RBMS3: variants seen among roughly 807,000 people sequenced by gnomAD.
RBMS3 encodes RNA binding motif single stranded interacting protein 3, also known as RNA-binding motif, single-stranded-interacting protein 3.
A neutral mutation model predicts 66.8 loss-of-function variants in RBMS3; 27 were observed. That is an observed-to-expected ratio of 0.40 (90% CI 0.30 to 0.56). RBMS3 has a LOEUF of 0.56. Among genes scored for constraint, RBMS3 ranks in the 20% least tolerant of loss-of-function variants. The probability of loss-of-function intolerance (pLI) is 0.40; values close to 1 mark genes in which losing one functional copy is unlikely to be tolerated. For synonymous variants in RBMS3, 188 were observed against 183.0 expected (o/e 1.03, Z -0.22); for missense variants, 513 against 549.5 (o/e 0.93, Z 0.66).
chr3:29,656,536 C>T (rs1028410951), intron 4 of RBMS3, among the ~76,000 whole-genome samples: 1 of 152,060 alleles, frequency 6.6e-6, no homozygotes, highest in Admixed American at 6.6e-5. Flanking sequence ...TGTGTTAGAC[C>T]AGATCTCTGT....
At chr3:29,697,622 G>T (rs1037582277) in intron 4 of RBMS3, among the ~76,000 whole-genome samples, 1 of 152,134 alleles carries the variant, frequency 6.6e-6, no homozygotes, top group Non-Finnish European at 1.5e-5. Flanking sequence ...TTGGATTTTT[G>T]AATATTTGCA....
intron 12 of RBMS3, among the ~76,000 whole-genome samples, chr3:29,983,250 TTGCTTTCTA>T (rs1698128099): frequency 6.6e-6 from 1 of 150,870 alleles, no homozygotes; most frequent in Non-Finnish European, 1.5e-5. Flanking sequence ...TTTTTTTTTT[TTGCTTTCTA>T]TTTGCTTGGT....
At chr3:29,425,975 G>A (rs1323780785) in intron 1 of RBMS3, among the ~76,000 whole-genome samples, 1 of 152,174 alleles carries the variant, frequency 6.6e-6, no homozygotes, top group South Asian at 2.1e-4. Flanking sequence ...TATTTCTGGA[G>A]AATGCTCTGA....
At chr3:29,731,942 T>TC (rs1186678412) in intron 4 of RBMS3, among the ~76,000 whole-genome samples, 1 of 151,390 alleles carries the variant, frequency 6.6e-6, no homozygotes, top group Non-Finnish European at 1.5e-5. Flanking sequence ...TTTCCCTCTC[T>TC]CCCCATCTCC....
intron 2 of RBMS3, among the ~76,000 whole-genome samples, chr3:29,487,354 T>C (rs2043360021): frequency 6.6e-6 from 1 of 152,176 alleles, no homozygotes; most frequent in African/African-American, 2.4e-5. Context: ...CAGGTGAGTA[T>C]CTGTACAACT....
At chr3:29,615,495 C>CAT (rs1196405327) in intron 4 of RBMS3, among the ~76,000 whole-genome samples, 1 of 151,848 alleles carries the variant, frequency 6.6e-6, no homozygotes, top group Non-Finnish European at 1.5e-5. Flanking sequence ...CACACACACA[C>CAT]ATAAAATGAT....
chr3:29,566,471 G>C (rs1010156200), intron 3 of RBMS3, among the ~76,000 whole-genome samples: 3 of 152,042 alleles, frequency 2.0e-5, no homozygotes, highest in Admixed American at 6.6e-5. Flanking sequence ...GTCCTGCACT[G>C]TTCTACATGA....
chr3:29,438,733 T>C (rs2041495357), intron 2 of RBMS3, among the ~76,000 whole-genome samples: 1 of 152,212 alleles, frequency 6.6e-6, no homozygotes, highest in Non-Finnish European at 1.5e-5. Flanking sequence ...GGAACTTTAT[T>C]TTGTTCTCAA....
intron 4 of RBMS3, among the ~76,000 whole-genome samples, chr3:29,666,103 C>T (rs1046562464): frequency 6.6e-6 from 1 of 152,152 alleles, no homozygotes; most frequent in African/African-American, 2.4e-5. Context: ...TTTCCTCTGC[C>T]TGGATGGGTA....
At chr3:29,326,284 T>G (rs2035333090) in intron 1 of RBMS3, among the ~76,000 whole-genome samples, 1 of 152,190 alleles carries the variant, frequency 6.6e-6, no homozygotes, top group African/African-American at 2.4e-5. Flanking sequence ...CCCACTGATC[T>G]TTCCATAAAC....
At chr3:29,511,839 G>A (rs1214187389) in intron 3 of RBMS3, among the ~76,000 whole-genome samples, 2 of 152,038 alleles carry the variant, frequency 1.3e-5, no homozygotes, top group African/African-American at 4.8e-5. Flanking sequence ...TGTATCACAA[G>A]ACTAACTGAA....
intron 6 of RBMS3, among the ~76,000 whole-genome samples, chr3:29,785,300 T>C (rs934382827): frequency 6.6e-6 from 1 of 152,072 alleles, no homozygotes; most frequent in Non-Finnish European, 1.5e-5. Flanking sequence ...CAACAGCTTA[T>C]CAAAAAGATA....
intron 12 of RBMS3, among the ~76,000 whole-genome samples, chr3:29,980,850 G>T (rs1361106840): frequency 6.6e-6 from 1 of 152,144 alleles, no homozygotes; most frequent in East Asian, 1.9e-4. Flanking sequence ...AGTATAGTTT[G>T]AAGTCAGGTA....
intron 3 of RBMS3, among the ~76,000 whole-genome samples, chr3:29,540,303 G>C (rs1010990925): frequency 1.2e-4 from 18 of 152,086 alleles, no homozygotes; most frequent in African/African-American, 4.3e-4. Context: ...TATGACAACA[G>C]AATTTTTTAT....
At chr3:29,979,392 A>C (rs1020144611) in intron 12 of RBMS3, among the ~76,000 whole-genome samples, 2 of 152,188 alleles carry the variant, frequency 1.3e-5, no homozygotes, top group Non-Finnish European at 2.9e-5. Context: ...TACTAAAACA[A>C]AATGCAGATG....
intron 3 of RBMS3, among the ~76,000 whole-genome samples, chr3:29,554,575 G>A (rs1250038687): frequency 6.6e-6 from 1 of 152,138 alleles, no homozygotes; most frequent in Non-Finnish European, 1.5e-5. Flanking sequence ...CCAGAGATAG[G>A]AGCAATTATT....
chr3:29,824,348 C>T (rs1182668509), intron 6 of RBMS3, among the ~76,000 whole-genome samples: 1 of 152,124 alleles, frequency 6.6e-6, no homozygotes, highest in Non-Finnish European at 1.5e-5. Context: ...ACTGAATCTG[C>T]TACTGCCTCC....
intron 1 of RBMS3, among the ~76,000 whole-genome samples, chr3:29,288,753 T>C (rs1340901113): frequency 6.6e-6 from 1 of 151,836 alleles, no homozygotes; most frequent in Non-Finnish European, 1.5e-5. Flanking sequence ...TTCGACTGAA[T>C]CCAAAACCTA....
At chr3:29,952,677 A>G (rs551004596) in intron 12 of RBMS3, among the ~76,000 whole-genome samples, 2 of 151,982 alleles carry the variant, frequency 1.3e-5, no homozygotes, top group Admixed American at 1.3e-4. Context: ...AAGCTGATAT[A>G]ACTTCTAAGT....
Sources: allele counts gnomAD v4.1 joint callset (sites outside exome capture counted in the v4.1 genomes callset), GRCh38; gene constraint gnomAD v4.1.1; transcripts MANE v1.5; gene names NCBI Gene and HGNC (gene_info 2026-07-23, HGNC 2026-07-21).